Variants in PIKFYVE observed in about 807,000 individuals in gnomAD.
The protein encoded by PIKFYVE is phosphoinositide kinase, FYVE-type zinc finger containing.
In PIKFYVE, 122 loss-of-function variants were observed where a neutral mutation model predicts 257.9. The observed-to-expected ratio is 0.47, with a 90% CI of 0.41 to 0.55. The LOEUF is 0.55. PIKFYVE is among the 20% of genes least tolerant of loss of function. PIKFYVE has a pLI of 0.00. For synonymous variants in PIKFYVE, 892 were observed against 868.9 expected (o/e 1.03, Z -0.47); for missense variants, 2,160 against 2,536.6 (o/e 0.85, Z 3.19).
chr2:208,325,299 G>A lies in PIKFYVE; in HGVS notation c.2488G>A (p.Gly830Ser). The change falls in exon 20 of 42, where the codon GGT (glycine) becomes AGT (serine). Residue 830 changes from glycine to serine, a missense_variant. Gly to Ser is a moderately conservative substitution (Grantham distance 56). Transcript: ENST00000264380. Reference protein sequence around the residue: ...EQTKTLMFFEGCPQHLGCTIK... With the variant: ...EQTKTLMFFESCPQHLGCTIK... ...AACCAAGACACTGATGTTTTTTGAA[G>A]GTTGTCCACAGCACCTAGGCTGTAC... 1 of 1,613,994 alleles carries A rather than the reference G, an allele frequency of 6.2e-7. No individual in the cohort carries two copies. Among genetic ancestry groups the A allele is most frequent in the Non-Finnish European group, 8.5e-7 (1 of 1,179,974 alleles).
rs768560811 is a variant in PIKFYVE at position 208,336,035 on chromosome 2, G to A, written c.4366-11G>A. 86 of 1,613,902 alleles carry A rather than the reference G, an allele frequency of 5.3e-5. 5 individuals are homozygous for A. The South Asian group carries it at 9.3e-4, about 18-fold the overall frequency. ...GTGTCTGTCTCCTGAAGTTGTTTCT[G>A]TTCCTTGTAGATGGAAGAAGGTGAG... On this transcript the variant is annotated splice_polypyrimidine_tract_variant and intron_variant, in intron 26 of 41. Transcript: ENST00000264380.
At chr2:208,312,392 A>G (rs1559103589) in intron 13 of PIKFYVE, 97 bp downstream of exon 13, 7 of 931,716 alleles carry the variant, frequency 7.5e-6, no homozygotes, top group Admixed American at 2.0e-5. Flanking sequence ...GAAGGTGCTG[A>G]AAATATATTT....
Position 208,276,715 on chromosome 2 carries a change from C to A in PIKFYVE, c.326C>A (p.Thr109Lys). 6 of 1,612,262 alleles carry A rather than the reference C, an allele frequency of 3.7e-6. No individual in the cohort carries two copies. The highest frequency in any genetic ancestry group is 5.1e-6 in the Non-Finnish European group (6 of 1,178,542). ...CTTTTTTTTTAATCCAACTCAGACA[C>A]AAGAAGGAAAGCAGAACCTACCTTT... ...ELQRRSSALD[T>K]RRKAEPTFGG... The change falls in exon 4 of 42, where the codon ACA becomes AAA. Residue 109 changes from threonine to lysine, a missense_variant. By Grantham distance (78) the Thr-to-Lys change is moderately conservative. Transcript: ENST00000264380.
chr2:208,345,096 T>C lies in PIKFYVE; in HGVS notation c.5028-15T>C, dbSNP rs964731499. 9.0e-6 allele frequency: 14 copies of C among 1,561,382 alleles called. No individual in the cohort carries two copies. The highest frequency in any genetic ancestry group is 1.2e-5 in the Non-Finnish European group (14 of 1,132,076). ...AGTTAATGTTTAACGTTTTTCAACC[T>C]ATTTCTGCCCTAAGTTGTAAAGAAT... is the stretch of plus-strand genomic sequence containing the variant. On this transcript the variant is annotated splice_polypyrimidine_tract_variant and intron_variant, in intron 32 of 41. Coordinates refer to ENST00000264380, the MANE Select transcript of PIKFYVE (RefSeq NM_015040.4).
chr2:208,327,032 A>G (rs1019748790), intron 20 of PIKFYVE, among the ~76,000 whole-genome samples: 1 of 152,186 alleles, frequency 6.6e-6, no homozygotes, highest in Non-Finnish European at 1.5e-5. Context: ...TGTTTAATAA[A>G]ACGAGAAGAT....
At chr2:208,270,312 G>C (rs1689252030) in intron 1 of PIKFYVE, among the ~76,000 whole-genome samples, 1 of 152,014 alleles carries the variant, frequency 6.6e-6, no homozygotes, top group Non-Finnish European at 1.5e-5. Context: ...AAAGTGCTGG[G>C]ATTATAGGTG....
intron 20 of PIKFYVE, among the ~76,000 whole-genome samples, chr2:208,326,640 G>A (rs1308436459): frequency 6.6e-6 from 1 of 152,178 alleles, no homozygotes; most frequent in Non-Finnish European, 1.5e-5. Flanking sequence ...TGGGTTTCAG[G>A]GTTTTAAGGT....
At chr2:208,318,517 T>C (rs1035184748) in intron 16 of PIKFYVE, among the ~76,000 whole-genome samples, 1 of 152,218 alleles carries the variant, frequency 6.6e-6, no homozygotes, top group African/African-American at 2.4e-5. Flanking sequence ...AACTTTATTC[T>C]GAAATCTTTT....
chr2:208,305,318 A>G, intron 12 of PIKFYVE: 1 of 1,249,166 alleles, frequency 8.0e-7, no homozygotes, highest in Non-Finnish European at 1.0e-6. Context: ...ATTTCTTTGC[A>G]TTTATAACAT....
intron 3 of PIKFYVE, among the ~76,000 whole-genome samples, chr2:208,276,082 G>A (rs1690064586): frequency 6.6e-6 from 1 of 152,192 alleles, no homozygotes; most frequent in Non-Finnish European, 1.5e-5. Flanking sequence ...GGAAGGATAG[G>A]ATTGGAGTTT....
intron 16 of PIKFYVE, among the ~76,000 whole-genome samples, chr2:208,318,812 G>A (rs375419968): frequency 4.1e-4 from 63 of 152,166 alleles, no homozygotes; most frequent in East Asian, 1.4e-3. Context: ...GTTAGCCGGC[G>A]TGGTGGCGTG....
intron 36 of PIKFYVE, among the ~76,000 whole-genome samples, chr2:208,350,304 T>G (rs527541216): frequency 6.6e-6 from 1 of 152,168 alleles, no homozygotes; most frequent in Non-Finnish European, 1.5e-5. Flanking sequence ...TTGTAAATTA[T>G]GCTCTTATTT....
chr2:208,337,952 A>G (rs1698320334), intron 28 of PIKFYVE, among the ~76,000 whole-genome samples: 1 of 152,038 alleles, frequency 6.6e-6, no homozygotes, highest in African/African-American at 2.4e-5. Flanking sequence ...TAAACTCCTG[A>G]CCTCAGGTGA....
At chr2:208,312,541 A>G (rs1356051626) in intron 13 of PIKFYVE, among the ~76,000 whole-genome samples, 1 of 152,226 alleles carries the variant, frequency 6.6e-6, no homozygotes, top group Non-Finnish European at 1.5e-5. Flanking sequence ...AAAAACTTTT[A>G]AGTAGAATTT....
chr2:208,341,602 G>A (rs772329930), intron 31 of PIKFYVE, among the ~76,000 whole-genome samples: 4 of 152,160 alleles, frequency 2.6e-5, no homozygotes, highest in Non-Finnish European at 5.9e-5. Context: ...TGCCAGCATG[G>A]TTGGGTTCTG....
chr2:208,327,397 T>G (rs569518322), intron 20 of PIKFYVE, among the ~76,000 whole-genome samples: 42 of 152,192 alleles, frequency 2.8e-4, no homozygotes, highest in Non-Finnish European at 4.7e-4. Flanking sequence ...GTGCTTGCAT[T>G]TTTTAAGAAT....
At chr2:208,278,058 C>A (rs1044859187) in intron 5 of PIKFYVE, among the ~76,000 whole-genome samples, 1 of 152,184 alleles carries the variant, frequency 6.6e-6, no homozygotes, top group African/African-American at 2.4e-5. Context: ...AATTACATGA[C>A]ACTGTGCTTT....
intron 12 of PIKFYVE, chr2:208,305,243 C>CT: frequency 2.9e-6 from 4 of 1,399,712 alleles, no homozygotes; most frequent in Non-Finnish European, 3.7e-6. Context: ...CAGTGTAAAG[C>CT]TTGTAGTCTT....
At position 208,355,309 on chromosome 2, in the gene PIKFYVE, C is replaced by T; in HGVS notation, c.*4C>T. On this transcript the variant is annotated 3_prime_UTR_variant, in exon 42 of 42. Coordinates refer to ENST00000264380, the MANE Select transcript of PIKFYVE (RefSeq NM_015040.4). ...AGGCTTGGGTCTGAATTGCTGAAATCAAGCACATATTTTGAAATGGACTGT... is the reference window on the plus strand; with the variant it reads ...AGGCTTGGGTCTGAATTGCTGAAATTAAGCACATATTTTGAAATGGACTGT... The T allele has an allele frequency of 6.2e-7, 1 of 1,604,582 alleles. No individual in the cohort carries two copies. Among genetic ancestry groups the T allele is most frequent in the Non-Finnish European group, 8.5e-7 (1 of 1,171,398 alleles).
Sources: allele counts gnomAD v4.1 joint callset (sites outside exome capture counted in the v4.1 genomes callset), GRCh38; gene constraint gnomAD v4.1.1; transcripts MANE v1.5; gene names NCBI Gene and HGNC (gene_info 2026-07-23, HGNC 2026-07-21).